The following BMPR1B variants were observed in gnomAD, a reference collection of about 807,000 sequenced individuals.
BMPR1B encodes bone morphogenetic protein receptor type 1B.
In BMPR1B, 12 loss-of-function variants were observed where a neutral mutation model predicts 59.1. The observed-to-expected ratio is 0.20, with a 90% CI of 0.13 to 0.33. The LOEUF (loss-of-function observed/expected upper bound fraction) is 0.33, where lower values mean the gene tolerates loss of function less well. BMPR1B is among the 10% of genes least tolerant of loss of function. The probability of loss-of-function intolerance (pLI) is 1.00; values close to 1 mark genes in which losing one functional copy is unlikely to be tolerated. For missense variants in BMPR1B, 550 were observed against 610.9 expected (o/e 0.90, Z 1.05); for synonymous variants, 237 against 207.3 (o/e 1.14, Z -1.23).
chr4:94,842,774 C>G (rs1725142930), intron 1 of BMPR1B, among the ~76,000 whole-genome samples: 1 of 152,180 alleles, frequency 6.6e-6, no homozygotes, highest in Non-Finnish European at 1.5e-5. Flanking sequence ...CAGGTTTCCT[C>G]TGTGATAATT....
chr4:94,780,320 G>A (rs762519880), intron 1 of BMPR1B, among the ~76,000 whole-genome samples: 10 of 151,966 alleles, frequency 6.6e-5, no homozygotes, highest in Non-Finnish European at 1.5e-4. Flanking sequence ...TATTATTTTC[G>A]AGGTTCATCC....
At chr4:95,042,518 A>G (rs1303962534) in intron 3 of BMPR1B, among the ~76,000 whole-genome samples, 1 of 152,242 alleles carries the variant, frequency 6.6e-6, no homozygotes, top group East Asian at 1.9e-4. Flanking sequence ...CTTGGGTCCC[A>G]TCCCCAAGAT....
chr4:95,048,782 A>G (rs1160614050), intron 3 of BMPR1B, among the ~76,000 whole-genome samples: 1 of 152,206 alleles, frequency 6.6e-6, no homozygotes, highest in Non-Finnish European at 1.5e-5. Flanking sequence ...GGGTTAAATC[A>G]TAGGCAAATC....
At chr4:94,994,046 T>C (rs553946671) in intron 2 of BMPR1B, among the ~76,000 whole-genome samples, 3 of 152,342 alleles carry the variant, frequency 2.0e-5, no homozygotes, top group Admixed American at 2.0e-4. Context: ...TTAAATTCTT[T>C]GCAAGTACAT....
chr4:94,793,082 A>G (rs1723044961), intron 1 of BMPR1B, among the ~76,000 whole-genome samples: 1 of 151,916 alleles, frequency 6.6e-6, no homozygotes, highest in South Asian at 2.1e-4. Context: ...TTAGTTACAT[A>G]TGTATACATG....
At chr4:94,954,008 A>G (rs1229702874) in intron 2 of BMPR1B, among the ~76,000 whole-genome samples, 2 of 151,742 alleles carry the variant, frequency 1.3e-5, no homozygotes, top group Non-Finnish European at 2.9e-5. Context: ...TTATTTTATT[A>G]GTTGATCTTC....
At chr4:95,044,659 C>G (rs2149177790) in intron 3 of BMPR1B, among the ~76,000 whole-genome samples, 1 of 152,234 alleles carries the variant, frequency 6.6e-6, no homozygotes, top group East Asian at 1.9e-4. Context: ...GTCGCTCGTT[C>G]AAGGGAGAAA....
chr4:94,780,790 G>A (rs369851443), intron 1 of BMPR1B, among the ~76,000 whole-genome samples: 41 of 142,518 alleles, frequency 2.9e-4, no homozygotes, highest in East Asian at 2.2e-3. Context: ...CCTTGTTCAC[G>A]CCATTCTCCT....
chr4:95,056,502 TAAAGGAAA>T (rs1476298091), intron 3 of BMPR1B, among the ~76,000 whole-genome samples: 1 of 152,084 alleles, frequency 6.6e-6, no homozygotes, highest in Non-Finnish European at 1.5e-5. Context: ...AAAGAAAAAC[TAAAGGAAA>T]CACAGGCCTC....
chr4:95,114,652 A>ACACACACACACACACACACTGACT (rs1731880191), intron 4 of BMPR1B, 68 bp from the exon 5 acceptor site: 1 of 1,288,584 alleles, frequency 7.8e-7, no homozygotes, highest in Admixed American at 1.7e-5. Context: ...CTAGACACAC[A>ACACACACACACACACACACTGACT]CACACACACA....
intron 3 of BMPR1B, among the ~76,000 whole-genome samples, chr4:95,029,407 TCCCTACAAAGGACATGAA>T (rs1322872757): frequency 6.7e-6 from 1 of 148,892 alleles, no homozygotes; most frequent in Non-Finnish European, 1.5e-5. Flanking sequence ...TTCATCCATG[TCCCTACAAAGGACATGAA>T]CACATCATTT....
chr4:94,791,637 G>A (rs1030272413), intron 1 of BMPR1B, among the ~76,000 whole-genome samples: 4 of 151,942 alleles, frequency 2.6e-5, no homozygotes, highest in African/African-American at 9.7e-5. Context: ...GAAATAAAAT[G>A]GATTTAATTC....
At chr4:94,866,365 A>C (rs1221036023) in intron 1 of BMPR1B, among the ~76,000 whole-genome samples, 1 of 151,994 alleles carries the variant, frequency 6.6e-6, no homozygotes, top group Non-Finnish European at 1.5e-5. Flanking sequence ...CAGTGTAAGG[A>C]TCTTCCCCCC....
At chr4:94,994,189 C>A (rs1418020185) in intron 2 of BMPR1B, among the ~76,000 whole-genome samples, 1 of 152,186 alleles carries the variant, frequency 6.6e-6, no homozygotes, top group Non-Finnish European at 1.5e-5. Flanking sequence ...CTCTATAAAA[C>A]CCAAGTTTGT....
chr4:95,047,276 CTG>C (rs1726125875), intron 3 of BMPR1B, among the ~76,000 whole-genome samples: 1 of 152,118 alleles, frequency 6.6e-6, no homozygotes, highest in Admixed American at 6.5e-5. Flanking sequence ...CCATTTTTTT[CTG>C]TTCAAGGATT....
intron 3 of BMPR1B, among the ~76,000 whole-genome samples, chr4:95,087,628 A>G (rs921661522): frequency 6.6e-6 from 1 of 152,112 alleles, no homozygotes; most frequent in African/African-American, 2.4e-5. Context: ...CTGCTAAGGG[A>G]AGCTGAGGTG....
rs115782901 is a variant in BMPR1B at position 95,087,275 on chromosome 4, A to G, written c.-17-17133A>G. On this transcript the variant is annotated intron_variant, in intron 3 of 12. Coordinates refer to ENST00000515059, the MANE Select transcript of BMPR1B (RefSeq NM_001203.3). ...ACTTTGTCTCATATCCTTCTAATCA[A>G]TTGTGGAATAAAGCCTCTATGGTTC... Among the ~76,000 whole-genome samples, 748 of 152,126 alleles carry G rather than the reference A, an allele frequency of 4.9e-3. 2 individuals carry two copies. Among genetic ancestry groups the G allele is most frequent in the African/African-American group, 0.017 (692 of 41,504 alleles).
At chr4:94,937,173 G>T (rs1376062141) in intron 2 of BMPR1B, among the ~76,000 whole-genome samples, 1 of 152,010 alleles carries the variant, frequency 6.6e-6, no homozygotes, top group East Asian at 1.9e-4. Context: ...CATTTTGTTT[G>T]CACTTGCTGT....
intron 1 of BMPR1B, among the ~76,000 whole-genome samples, chr4:94,785,426 C>A (rs1221741335): frequency 2.0e-5 from 3 of 152,184 alleles, no homozygotes; most frequent in Admixed American, 6.5e-5. Context: ...CCTTGGCATG[C>A]AGTGGCATCA....
Sources: allele counts gnomAD v4.1 joint callset (sites outside exome capture counted in the v4.1 genomes callset), GRCh38; gene constraint gnomAD v4.1.1; transcripts MANE v1.5; gene names NCBI Gene and HGNC (gene_info 2026-07-23, HGNC 2026-07-21).